The following TRADD variants were observed in gnomAD, a reference collection of about 807,000 sequenced individuals.
TRADD encodes tumor necrosis factor receptor type 1-associated DEATH domain protein.
Under a neutral mutation model 31.5 loss-of-function variants are expected in TRADD, and 14 were observed. The observed-to-expected ratio is 0.44, with a 90% confidence interval of 0.29 to 0.69. The LOEUF is 0.69. Ranked by LOEUF, TRADD falls within the 30% of genes least tolerant of loss-of-function variation. The probability of loss-of-function intolerance (pLI) is 0.11; values close to 1 mark genes in which losing one functional copy is unlikely to be tolerated. For missense variants in TRADD, 388 were observed against 435.7 expected (o/e 0.89, Z 0.97); for synonymous variants, 220 against 215.8 (o/e 1.02, Z -0.17).
At position 67,155,548 on chromosome 16, in the gene TRADD, G is replaced by A. The variant is rs919963146; in HGVS notation, c.258C>T (p.Phe86=). 5 of 1,522,270 alleles carry A rather than the reference G, an allele frequency of 3.3e-6. No homozygotes were observed. The highest frequency in any genetic ancestry group is 3.7e-4 in the Middle Eastern group (2 of 5,434). The allele number at this position is 1,522,270 out of a possible 1,614,324, so 94.3% of individuals were successfully genotyped here. ...RFCGRQPCGR[F]LRAYREGALR... is the part of the protein sequence containing the mutation. Reference sequence around the variant, plus strand: ...GCGCCCCCTCGCGGTAGGCGCGGAGGAAGCGGCCACAGGGCTGCCGCCCGC... The same window carrying A: ...GCGCCCCCTCGCGGTAGGCGCGGAGAAAGCGGCCACAGGGCTGCCGCCCGC... Residue 86 remains phenylalanine, a synonymous_variant, in exon 3 of 5, where the codon TTC becomes TTT. Coordinates refer to ENST00000345057, the MANE Select transcript of TRADD (RefSeq NM_003789.4).
intron 1 of TRADD, among the ~76,000 whole-genome samples, chr16:67,158,664 C>G (rs559475153): frequency 1.3e-5 from 2 of 152,106 alleles, no homozygotes; most frequent in Admixed American, 6.6e-5. Flanking sequence ...GACATATTTT[C>G]TTTGTATTAA....
At position 67,154,276 on chromosome 16, in the gene TRADD, A is replaced by G; in HGVS notation, c.*373T>C. 1.4e-5 allele frequency: 5 copies of G among 357,582 alleles called. No homozygotes were observed. The highest frequency in any genetic ancestry group is 3.3e-5 in the South Asian group (1 of 29,854). 22.2% of individuals were successfully genotyped at this position (357,582 alleles called of 1,614,324 possible). On this transcript the variant is annotated 3_prime_UTR_variant, in exon 5 of 5. Coordinates refer to ENST00000345057, the MANE Select transcript of TRADD (RefSeq NM_003789.4). This position sits in a 1 kb window ranked among gnomAD's most constrained non-coding sequence, Gnocchi z 5.2. ...TGTGAGCTGGGGGCAGGCAAGATTG[A>G]TTCCTGTTTTACTTCACTGCAGTAT...
chr16:67,156,392 G>T lies in TRADD; in HGVS notation c.151+118C>A. 4.7e-6 allele frequency: 7 copies of T among 1,476,562 alleles called. No individual in the cohort carries two copies. Among genetic ancestry groups the T allele is most frequent in the Non-Finnish European group, 6.5e-6 (7 of 1,079,946 alleles). 91.5% of individuals were successfully genotyped at this position (1,476,562 alleles called of 1,614,324 possible). A position where few individuals can be genotyped will look rare whatever the true frequency, so the allele number is the denominator to read the frequency against. On this transcript the variant is annotated intron_variant, in intron 2 of 4. Coordinates refer to ENST00000345057, the MANE Select transcript of TRADD (RefSeq NM_003789.4). This position sits in a 1 kb window ranked among gnomAD's most constrained non-coding sequence, Gnocchi z 4.6. ...AAGAAGAGAGTCTGCACAGCCAGGG[G>T]TCCTCCGTCTTGCTCCTCCCACCCC...
intron 1 of TRADD, among the ~76,000 whole-genome samples, chr16:67,158,412 CA>C (rs1238790044): frequency 6.6e-6 from 1 of 152,154 alleles, no homozygotes; most frequent in Non-Finnish European, 1.5e-5. Flanking sequence ...GCGATCTGCC[CA>C]CCTCAGCTTC....
intron 1 of TRADD, among the ~76,000 whole-genome samples, chr16:67,157,987 C>CAG (rs2030759473): frequency 6.6e-6 from 1 of 151,798 alleles, no homozygotes. Flanking sequence ...CTCCTGTACT[C>CAG]TCATCAGGGT....
Position 67,155,916 on chromosome 16 carries a change from T to C in TRADD, c.152-262A>G. ...CCCGCTCTCACGCCCCAAATGAGGG[T>C]TGGCAAAAGAGAGGGACTTCGAAGC... On this transcript the variant is annotated intron_variant, in intron 2 of 4. Coordinates refer to ENST00000345057, the MANE Select transcript of TRADD (RefSeq NM_003789.4). The C allele has an allele frequency of 7.3e-6, 11 of 1,515,704 alleles. No individual in the cohort carries two copies. In the African/African-American group the frequency reaches 8.3e-5, roughly 11 times the overall value. The allele number at this position is 1,515,704 out of a possible 1,614,324, so 93.9% of individuals were successfully genotyped here.
At position 67,155,352 on chromosome 16, in the gene TRADD, C is replaced by G. The variant is rs1428041131; in HGVS notation, c.429+25G>C. 3 of 1,603,934 alleles carry G rather than the reference C, an allele frequency of 1.9e-6. No homozygotes were observed. In the East Asian group the frequency reaches 6.7e-5, roughly 36 times the overall value. ...TTAACCGCGGATCCCCGCCCTACCCCATCCTGACCCTAGCCCGGCCGCACC... is the reference window on the plus strand; with the variant it reads ...TTAACCGCGGATCCCCGCCCTACCCGATCCTGACCCTAGCCCGGCCGCACC... On this transcript the variant is annotated intron_variant, in intron 3 of 4. Transcript: ENST00000345057.
Position 67,156,141 on chromosome 16 carries a change from A to C in TRADD, c.151+369T>G. The C allele has an allele frequency of 1.5e-6, 2 of 1,361,574 alleles. No individual in the cohort carries two copies. Among genetic ancestry groups the C allele is most frequent in the Non-Finnish European group, 1.9e-6 (2 of 1,036,726 alleles). The allele number at this position is 1,361,574 out of a possible 1,614,324, so 84.3% of individuals were successfully genotyped here. A position where few individuals can be genotyped will look rare whatever the true frequency, so the allele number is the denominator to read the frequency against. On this transcript the variant is annotated intron_variant, in intron 2 of 4. Coordinates refer to ENST00000345057, the MANE Select transcript of TRADD (RefSeq NM_003789.4). The surrounding 1 kb of genome is among the most constrained non-coding windows in gnomAD (Gnocchi z 4.6). ...TCAGCCTCCTGTGGCCTCTGCCCTGAGATGGGAAAGGGGGGCCTGGAAGGG... is the reference window on the plus strand; with the variant it reads ...TCAGCCTCCTGTGGCCTCTGCCCTGCGATGGGAAAGGGGGGCCTGGAAGGG...
Position 67,156,422 on chromosome 16 carries a change from C to A in TRADD, c.151+88G>T. On this transcript the variant is annotated intron_variant, in intron 2 of 4. Transcript: ENST00000345057. This position sits in a 1 kb window ranked among gnomAD's most constrained non-coding sequence, Gnocchi z 4.6. ...CCGTCTTGCTCCTCCCACCCCAAAT[C>A]TTCTTCTTAAAGGTGGCTAAACCCA... 1 of 1,590,024 alleles carries A rather than the reference C, an allele frequency of 6.3e-7. No homozygotes were observed. The highest frequency in any genetic ancestry group is 2.2e-5 in the East Asian group (1 of 44,716).
chr16:67,154,826 G>T lies in TRADD; in HGVS notation c.762C>A (p.Tyr254Ter). 1 of 1,591,740 alleles carries T rather than the reference G, an allele frequency of 6.3e-7. No individual in the cohort carries two copies. Among genetic ancestry groups the T allele is most frequent in the Non-Finnish European group, 8.5e-7 (1 of 1,170,302 alleles). The change falls in exon 5 of 5, where the codon TAC (tyrosine) becomes TAA (stop). Residue 254 changes from tyrosine (Y) to a stop codon, truncating the protein, a stop_gained. Coordinates refer to ENST00000345057, the MANE Select transcript of TRADD (RefSeq NM_003789.4). LOFTEE classifies it high-confidence loss of function. This position sits in a 1 kb window ranked among gnomAD's most constrained non-coding sequence, Gnocchi z 5.2. ...LRDPALDSLA[Y>*]EYEREGLYEQ... ...CGTACAGTCCCTCGCGCTCGTACTCGTAGGCCAGCGAGTCCAGCGCCGGGT... is the reference window on the plus strand; with the variant it reads ...CGTACAGTCCCTCGCGCTCGTACTCTTAGGCCAGCGAGTCCAGCGCCGGGT...
At chr16:67,155,976 C>T (rs1420463217) in intron 2 of TRADD, 4 of 1,431,868 alleles carry the variant, frequency 2.8e-6, no homozygotes, top group East Asian at 6.4e-5. Flanking sequence ...GGCAAACAAG[C>T]CGTCTGGGTA....
chr16:67,155,657 G>C lies in TRADD; in HGVS notation c.152-3C>G, dbSNP rs1214494287. On this transcript the variant is annotated splice_polypyrimidine_tract_variant and splice_region_variant and intron_variant, in intron 2 of 4. Transcript: ENST00000345057. Reference sequence around the variant, plus strand: ...CACGTCCGGGCTCCCGCCGCTCTCTGCGGAGGCGGGCGGTCAGGCGCCGGG... The same window carrying C: ...CACGTCCGGGCTCCCGCCGCTCTCTCCGGAGGCGGGCGGTCAGGCGCCGGG... 1 of 1,568,058 alleles carries C rather than the reference G, an allele frequency of 6.4e-7. No homozygotes were observed. The highest frequency in any genetic ancestry group is 2.3e-5 in the East Asian group (1 of 43,526).
rs2030689379 is a variant in TRADD, at chr16:67,156,176, G to C, written c.151+334C>G. 2 of 1,396,174 alleles carry C rather than the reference G, an allele frequency of 1.4e-6. No individual in the cohort carries two copies. The highest frequency in any genetic ancestry group is 1.9e-6 in the Non-Finnish European group (2 of 1,058,288). 86.5% of individuals were successfully genotyped at this position (1,396,174 alleles called of 1,614,324 possible). Reference sequence around the variant, plus strand: ...GGGGGGCCTGGAAGGGTAGGTACTGGGGAGGGGTCTTGAGCAAGGAGTGCT... The same window carrying C: ...GGGGGGCCTGGAAGGGTAGGTACTGCGGAGGGGTCTTGAGCAAGGAGTGCT... On this transcript the variant is annotated intron_variant, in intron 2 of 4. Transcript: ENST00000345057. The surrounding 1 kb of genome is among the most constrained non-coding windows in gnomAD (Gnocchi z 4.6).
rs779380539 is a variant in TRADD, at chr16:67,155,220, G to A, written c.504C>T (p.Ala168=). The part of the protein sequence containing the change: ...ALRNLKCGSG[A]RGGDGEVASA... ...AAGCGACCTCCCCGTCGCCACCCCGGGCCCCCGAGCCGCACTTCAGATTTC... is the reference window on the plus strand; with the variant it reads ...AAGCGACCTCCCCGTCGCCACCCCGAGCCCCCGAGCCGCACTTCAGATTTC... Residue 168 remains alanine (A), a synonymous_variant, in exon 4 of 5, where the codon GCC becomes GCT. Transcript: ENST00000345057. 2.5e-6 allele frequency: 4 copies of A among 1,598,494 alleles called. No individual in the cohort carries two copies. The highest frequency in any genetic ancestry group is 3.4e-6 in the Non-Finnish European group (4 of 1,174,146).
intron 2 of TRADD, 47 bp from the exon 3 acceptor site, chr16:67,155,701 G>A (rs1419674758): frequency 1.3e-6 from 2 of 1,524,288 alleles, no homozygotes; most frequent in Non-Finnish European, 1.7e-6. Context: ...AAGCTCGGCC[G>A]TTCTCCAAAC....
At position 67,155,217 on chromosome 16, in the gene TRADD, C is replaced by T. The variant is rs1444863172; in HGVS notation, c.507G>A (p.Arg169=). The change falls in exon 4 of 5, where the codon CGG becomes CGA. Residue 169 remains arginine (R), a synonymous_variant. Coordinates refer to ENST00000345057, the MANE Select transcript of TRADD (RefSeq NM_003789.4). ...LRNLKCGSGA[R]GGDGEVASAP... is the part of the protein sequence containing the mutation. Reference sequence around the variant, plus strand: ...CCGAAGCGACCTCCCCGTCGCCACCCCGGGCCCCCGAGCCGCACTTCAGAT... The same window carrying T: ...CCGAAGCGACCTCCCCGTCGCCACCTCGGGCCCCCGAGCCGCACTTCAGAT... 1 of 1,596,936 alleles carries T rather than the reference C, an allele frequency of 6.3e-7. No individual in the cohort carries two copies. Among genetic ancestry groups the T allele is most frequent in the Non-Finnish European group, 8.5e-7 (1 of 1,173,468 alleles).
Position 67,154,802 on chromosome 16 carries a change from G to C in TRADD, c.786C>G (p.Tyr262Ter). 6.3e-7 allele frequency: 1 copy of C among 1,597,032 alleles called. No individual in the cohort carries two copies. The highest frequency in any genetic ancestry group is 8.5e-7 in the Non-Finnish European group (1 of 1,172,756). Residue 262 changes from tyrosine to a stop codon, truncating the protein, a stop_gained, in exon 5 of 5, where the codon TAC (tyrosine) becomes TAG (stop). Coordinates refer to ENST00000345057, the MANE Select transcript of TRADD (RefSeq NM_003789.4). LOFTEE classifies it high-confidence loss of function. The surrounding 1 kb of genome is among the most constrained non-coding windows in gnomAD (Gnocchi z 5.2). The stretch of plus-strand genomic sequence containing the variant: ...GCCGCAGCAGCTGGAAGGCCTGCTC[G>C]TACAGTCCCTCGCGCTCGTACTCGT... Reference protein sequence around the residue: ...LAYEYEREGLYEQAFQLLRRF... With the variant: ...LAYEYEREGL
Position 67,154,938 on chromosome 16 carries a change from T to C in TRADD, c.650A>G (p.Lys217Arg). Residue 217 changes from lysine (K) to arginine (R), a missense_variant, in exon 5 of 5, where the codon AAG becomes AGG. Physicochemically the swap from Lys to Arg is conservative, Grantham distance 26 (BLOSUM62 2). Transcript: ENST00000345057. This position sits in a 1 kb window ranked among gnomAD's most constrained non-coding sequence, Gnocchi z 5.2. ...QPVVNRPLSL[K>R]DQQTFARSVG... ...AGAGCGCGCGAACGTCTGTTGGTCC[T>C]TCAGGCTCAGCGGCCGATTCACTGC... The C allele has an allele frequency of 6.2e-7, 1 of 1,609,768 alleles. No homozygotes were observed. The highest frequency in any genetic ancestry group is 8.5e-7 in the Non-Finnish European group (1 of 1,178,612).
rs1460346348 is a variant in TRADD, at chr16:67,154,781, C to T, written c.807G>A (p.Leu269=). The T allele has an allele frequency of 1.2e-6, 2 of 1,602,742 alleles. No individual in the cohort carries two copies. Among genetic ancestry groups the T allele is most frequent in the Non-Finnish European group, 1.7e-6 (2 of 1,175,558 alleles). Residue 269 remains leucine (L), a synonymous_variant, in exon 5 of 5, where the codon CTG becomes CTA. Transcript: ENST00000345057. The surrounding 1 kb of genome is among the most constrained non-coding windows in gnomAD (Gnocchi z 5.2). ...GGCCCTCGGCCTGCACGAAGCGCCG[C>T]AGCAGCTGGAAGGCCTGCTCGTACA... The part of the protein sequence containing the change: ...EGLYEQAFQL[L]RRFVQAEGRR...
Sources: gnomAD v4.1 joint callset for allele counts (sites outside exome capture counted in the v4.1 genomes callset) on GRCh38, gnomAD v4.1.1 for gene constraint, Gnocchi (gnomAD v3.1) non-coding constraint, MANE v1.5 for transcripts, NCBI Gene and HGNC (gene_info 2026-07-23, HGNC 2026-07-21) for gene names.